Variants in PDE6B observed in about 807,000 individuals in gnomAD.
The protein encoded by PDE6B is phosphodiesterase 6B.
Under a neutral mutation model 109.0 loss-of-function variants are expected in PDE6B, and 106 were observed. That is an observed-to-expected ratio of 0.97 (90% CI 0.83 to 1.14). The LOEUF is 1.14. Among genes scored for constraint, PDE6B ranks in the 50% most tolerant of loss-of-function variants. PDE6B has a pLI of 0.00. For synonymous variants in PDE6B, 490 were observed against 471.3 expected, an observed-to-expected ratio of 1.04 and a Z score of -0.51; for missense variants, 1,193 against 1,155.6, an observed-to-expected ratio of 1.03 and a Z score of -0.47.
At position 670,190 on chromosome 4, in the gene PDE6B, G is replaced by T. The variant is rs1035168308; in HGVS notation, c.*83G>T. The T allele has an allele frequency of 6.2e-7, 1 of 1,602,476 alleles. No individual in the cohort carries two copies. The highest frequency in any genetic ancestry group is 1.1e-5 in the South Asian group (1 of 90,710). On this transcript the variant is annotated 3_prime_UTR_variant, in exon 22 of 22. Coordinates refer to ENST00000496514, the MANE Select transcript of PDE6B (RefSeq NM_000283.4). Reference sequence around the variant, plus strand: ...TTCTGCCTGTGGCTATTTGCTACAAGAGGTTAGGAAGCCCAAGAAAATGAC... The same window carrying T: ...TTCTGCCTGTGGCTATTTGCTACAATAGGTTAGGAAGCCCAAGAAAATGAC...
intron 9 of PDE6B, 117 bp downstream of exon 9, chr4:657,140 G>GATAC: frequency 2.4e-6 from 3 of 1,236,722 alleles, no homozygotes; most frequent in Non-Finnish European, 3.6e-6. Flanking sequence ...ATGTGTGTGC[G>GATAC]GTATGCATGC....
chr4:650,381 G>A (rs577572397), intron 3 of PDE6B, among the ~76,000 whole-genome samples: 45 of 152,376 alleles, frequency 3.0e-4, no homozygotes, highest in African/African-American at 1.0e-3. Context: ...GCCCAGGACA[G>A]GCAGACCCCA....
At chr4:653,491 C>A in intron 3 of PDE6B, 1 of 490,506 alleles carries the variant, frequency 2.0e-6, no homozygotes, top group Non-Finnish European at 3.4e-6. Context: ...GCCCGATGTT[C>A]TCAAAGCCCT....
At chr4:642,725 C>CAAA (rs71636506) in intron 3 of PDE6B, among the ~76,000 whole-genome samples, 838 of 43,180 alleles carry the variant, frequency 0.019, 28 homozygotes, top group African/African-American at 0.039. Flanking sequence ...GACACTGTCT[C>CAAA]AAAAAAAAAA....
In PDE6B at chr4:666,705, G is replaced by A. The variant is rs529165221; in HGVS notation, c.2352+91G>A. 8.9e-5 allele frequency: 74 copies of A among 832,144 alleles called. No individual in the cohort carries two copies. Among genetic ancestry groups the A allele is most frequent in the South Asian group, 8.8e-4 (65 of 73,592 alleles). The allele number at this position is 832,144 out of a possible 1,614,324, so 51.5% of individuals were successfully genotyped here. A position where few individuals can be genotyped will look rare whatever the true frequency, so the allele number is the denominator to read the frequency against. The stretch of plus-strand genomic sequence containing the variant: ...GGGCTGGAGTCGCGTGGACTCACAC[G>A]GGCCCGGCGGTGTCCTCACTGGAGT... On this transcript the variant is annotated intron_variant, in intron 20 of 21. Transcript: ENST00000496514. The surrounding 1 kb of genome is among the most constrained non-coding windows in gnomAD (Gnocchi z 5.6).
rs747025539 is a variant in PDE6B, at chr4:666,556, C to T, written c.2294C>T (p.Ala765Val). The T allele has an allele frequency of 6.2e-7, 1 of 1,612,902 alleles. No individual in the cohort carries two copies. The highest frequency in any genetic ancestry group is 1.3e-5 in the African/African-American group (1 of 74,912). ...PIPMMDRNKA[A>V]ELPKLQVGFI... ...CCTATGATGGACCGGAACAAGGCGG[C>T]CGAGCTCCCCAAGCTGCAAGTGGGC... is the stretch of plus-strand genomic sequence containing the variant. The change falls in exon 20 of 22, where the codon GCC becomes GTC. Residue 765 changes from alanine (A) to valine (V), a missense_variant. By Grantham distance (64) the Ala-to-Val change is moderately conservative. Coordinates refer to ENST00000496514, the MANE Select transcript of PDE6B (RefSeq NM_000283.4). This position sits in a 1 kb window ranked among gnomAD's most constrained non-coding sequence, Gnocchi z 5.6.
At chr4:629,310 G>C (rs1350649881) in intron 1 of PDE6B, among the ~76,000 whole-genome samples, 1 of 152,228 alleles carries the variant, frequency 6.6e-6, no homozygotes, top group Non-Finnish European at 1.5e-5. Context: ...CCCCTTTGTG[G>C]CTCCTCAGAC....
At chr4:642,725 C>CAGAAA (rs1553805595) in intron 3 of PDE6B, among the ~76,000 whole-genome samples, 1 of 43,336 alleles carries the variant, frequency 2.3e-5, no homozygotes, top group African/African-American at 9.3e-5. Flanking sequence ...GACACTGTCT[C>CAGAAA]AAAAAAAAAA....
rs1284218690 is a variant in PDE6B, at chr4:662,979, G to T, written c.1833-121G>T. 2 of 721,752 alleles carry T rather than the reference G, an allele frequency of 2.8e-6. No individual in the cohort carries two copies. Among genetic ancestry groups the T allele is most frequent in the Non-Finnish European group, 5.1e-6 (2 of 392,626 alleles). The allele number at this position is 721,752 out of a possible 1,614,324, so 44.7% of individuals were successfully genotyped here. On this transcript the variant is annotated intron_variant, in intron 14 of 21. Coordinates refer to ENST00000496514, the MANE Select transcript of PDE6B (RefSeq NM_000283.4). This position sits in a 1 kb window ranked among gnomAD's most constrained non-coding sequence, Gnocchi z 4.3. The stretch of plus-strand genomic sequence containing the variant: ...GATTGCACCACTGCACTCCAGAGTG[G>T]GTGACAGAGGCAGACCCTGTCTCAA...
In PDE6B at chr4:633,860, C is replaced by T. The variant is rs182588101; in HGVS notation, c.469-817C>T. Among the ~76,000 whole-genome samples the T allele has an allele frequency of 1.3e-5, 2 of 152,304 alleles. No individual in the cohort carries two copies. The highest frequency in any genetic ancestry group is 3.9e-4 in the East Asian group (2 of 5,182). On this transcript the variant is annotated intron_variant, in intron 1 of 21. Coordinates refer to ENST00000496514, the MANE Select transcript of PDE6B (RefSeq NM_000283.4). This position sits in a 1 kb window ranked among gnomAD's most constrained non-coding sequence, Gnocchi z 4.5. ...TCTCTGAAGGACAGAATCCCAGTCA[C>T]CGGGGGGTGTCTGGTCTCAGTAACC...
At position 650,067 on chromosome 4, in the gene PDE6B, C is replaced by G. The variant is rs576326026; in HGVS notation, c.712-3785C>G. 3.9e-5 allele frequency among the ~76,000 whole-genome samples: 6 copies of G among 152,282 alleles called. No homozygotes were observed. In the South Asian group the frequency reaches 1.0e-3, roughly 26 times the overall value. On this transcript the variant is annotated intron_variant, in intron 3 of 21. Transcript: ENST00000496514. ...AGCCCAGAAGCCCAGGCTGCTCGAACCATCCCCGGGGCCTTGTGGATGCAG... is the reference window on the plus strand; with the variant it reads ...AGCCCAGAAGCCCAGGCTGCTCGAAGCATCCCCGGGGCCTTGTGGATGCAG...
intron 3 of PDE6B, among the ~76,000 whole-genome samples, chr4:649,410 G>A (rs1452270620): frequency 3.3e-5 from 5 of 152,016 alleles, no homozygotes; most frequent in African/African-American, 7.2e-5. Flanking sequence ...AGGGGGAAAC[G>A]TCTCCAGAAA....
intron 3 of PDE6B, among the ~76,000 whole-genome samples, chr4:639,650 GCATGAGAAAGTTAAA>G (rs1414720860): frequency 2.0e-5 from 3 of 152,146 alleles, no homozygotes; most frequent in Non-Finnish European, 4.4e-5. Context: ...CCTGCTTCTG[GCATGAGAAAGTTAAA>G]CTTGTATTCA....
rs983243572 is a variant in PDE6B at position 664,063 on chromosome 4, G to A, written c.2022-51G>A. The stretch of plus-strand genomic sequence containing the variant: ...CTCCCTGCAGACGGGCGCTTGGGGC[G>A]GGGTCTCCACACTTGCTCCCACCTG... On this transcript the variant is annotated intron_variant, in intron 16 of 21. Transcript: ENST00000496514. 33 of 1,323,676 alleles carry A rather than the reference G, an allele frequency of 2.5e-5. No individual in the cohort carries two copies. The Admixed American group carries it at 5.4e-4, about 22-fold the overall frequency. The allele number at this position is 1,323,676 out of a possible 1,614,324, so 82.0% of individuals were successfully genotyped here. A position where few individuals can be genotyped will look rare whatever the true frequency, so the allele number is the denominator to read the frequency against.
intron 1 of PDE6B, 21 bp from the exon 2 acceptor site, chr4:634,656 C>T: frequency 1.2e-6 from 2 of 1,607,260 alleles, no homozygotes; most frequent in Non-Finnish European, 1.7e-6. Flanking sequence ...CCTCTTTAGC[C>T]TCTTTCCTCT....
rs183694221 is a variant in PDE6B at position 655,725 on chromosome 4, T to G, written c.993-215T>G. On this transcript the variant is annotated intron_variant, in intron 6 of 21. Coordinates refer to ENST00000496514, the MANE Select transcript of PDE6B (RefSeq NM_000283.4). ...GACCCCTGCACACACGCCCAGTCCA[T>G]CTGACCCCAGTACACCTACATCCAG... 2.2e-4 allele frequency: 141 copies of G among 636,546 alleles called. No individual in the cohort carries two copies. In the African/African-American group the frequency reaches 2.3e-3, roughly 10 times the overall value. 39.4% of individuals were successfully genotyped at this position (636,546 alleles called of 1,614,324 possible).
rs973716924 is a variant in PDE6B at position 626,374 on chromosome 4, A to G, written c.468+280A>G. ...CTCGGCTGAAGCAGACTCAGGCTCA[A>G]ACCGGGGTGCCCCTGATTCTGCATC... On this transcript the variant is annotated intron_variant, in intron 1 of 21. Coordinates refer to ENST00000496514, the MANE Select transcript of PDE6B (RefSeq NM_000283.4). The surrounding 1 kb of genome is among the most constrained non-coding windows in gnomAD (Gnocchi z 4.6). Among the ~76,000 whole-genome samples, 4 of 152,208 alleles carry G rather than the reference A, an allele frequency of 2.6e-5. No homozygotes were observed. Among genetic ancestry groups the G allele is most frequent in the African/African-American group, 9.7e-5 (4 of 41,446 alleles).
intron 3 of PDE6B, chr4:653,050 G>C (rs562498578): frequency 3.0e-6 from 1 of 328,074 alleles, no homozygotes; most frequent in East Asian, 1.7e-4. Context: ...TCAATGTACT[G>C]GGAAATAAAG....
At chr4:656,544 G>A (rs909933278) in intron 8 of PDE6B, among the ~76,000 whole-genome samples, 7 of 149,110 alleles carry the variant, frequency 4.7e-5, no homozygotes, top group Non-Finnish European at 5.9e-5. Flanking sequence ...CCGTGACCGC[G>A]GCCCCCACAC....
Sources: allele counts gnomAD v4.1 joint callset (sites outside exome capture counted in the v4.1 genomes callset), GRCh38; gene constraint gnomAD v4.1.1; non-coding constraint Gnocchi (gnomAD v3.1); transcripts MANE v1.5; gene names NCBI Gene and HGNC (gene_info 2026-07-23, HGNC 2026-07-21).